The following EPB41 variants were observed in gnomAD, a reference collection of about 807,000 sequenced individuals.
The protein encoded by EPB41 is protein 4.1.
EPB41 carries 65 observed loss-of-function variants against 108.0 expected under a neutral mutation model. The ratio of observed to expected loss-of-function variants is 0.60; its 90% CI spans 0.49 to 0.74. The LOEUF (loss-of-function observed/expected upper bound fraction) is 0.74. EPB41 is among the 30% of genes least tolerant of loss of function. The pLI is 0.00. For missense variants in EPB41, 875 were observed against 1,037.0 expected, an observed-to-expected ratio of 0.84 and a Z score of 2.15; for synonymous variants, 336 against 358.9, an observed-to-expected ratio of 0.94 and a Z score of 0.72.
chr1:29,021,204 A>G (rs1303415993), intron 7 of EPB41, among the ~76,000 whole-genome samples: 1 of 152,184 alleles, frequency 6.6e-6, no homozygotes, highest in African/African-American at 2.4e-5. Context: ...GGAGATCTTC[A>G]AGATTCTTTC....
chr1:29,053,635 C>G, intron 12 of EPB41: 1 of 249,422 alleles, frequency 4.0e-6, no homozygotes. Context: ...TCTTGGCTCA[C>G]TGCAAACTCC....
At chr1:28,916,949 C>T (rs1219948600) in intron 1 of EPB41, among the ~76,000 whole-genome samples, 1 of 151,856 alleles carries the variant, frequency 6.6e-6, no homozygotes, top group Non-Finnish European at 1.5e-5. Flanking sequence ...TGCCCCCATG[C>T]TTGGCTAATG....
chr1:28,972,174 T>C (rs887510477), intron 1 of EPB41, among the ~76,000 whole-genome samples: 1 of 152,186 alleles, frequency 6.6e-6, no homozygotes, highest in Non-Finnish European at 1.5e-5. Flanking sequence ...GTGATCTGCC[T>C]GCTTAGGCTT....
At chr1:28,930,931 T>C (rs2093710119) in intron 1 of EPB41, among the ~76,000 whole-genome samples, 1 of 152,206 alleles carries the variant, frequency 6.6e-6, no homozygotes, top group Admixed American at 6.5e-5. Context: ...TTTTTAAACA[T>C]ATCTTAAATA....
intron 1 of EPB41, among the ~76,000 whole-genome samples, chr1:28,955,936 G>C (rs1001038454): frequency 2.6e-5 from 4 of 152,150 alleles, no homozygotes; most frequent in Non-Finnish European, 5.9e-5. Flanking sequence ...TATAACTTTT[G>C]TGATAATTTG....
chr1:28,951,199 A>G (rs2094704608), intron 1 of EPB41, among the ~76,000 whole-genome samples: 1 of 152,124 alleles, frequency 6.6e-6, no homozygotes, highest in Admixed American at 6.6e-5. Flanking sequence ...CAAGGATGGT[A>G]TTATGGCTTT....
At chr1:29,072,062 C>T (rs974368308) in intron 16 of EPB41, 1 of 152,090 alleles carries the variant, frequency 6.6e-6, no homozygotes, top group African/African-American at 2.4e-5. Context: ...TCTGTTATTT[C>T]CTGAAAACTG....
chr1:28,911,912 A>G (rs1038841191), upstream of EPB41, among the ~76,000 whole-genome samples: 4 of 151,802 alleles, frequency 2.6e-5, 1 homozygote, highest in African/African-American at 9.7e-5. Context: ...CGTGGTGCAC[A>G]TGCCTGTAAT....
intron 1 of EPB41, among the ~76,000 whole-genome samples, chr1:28,921,059 A>C (rs1157099270): frequency 5.9e-5 from 9 of 152,196 alleles, no homozygotes. Context: ...GTGTGCCATC[A>C]CATCTAGCTA....
chr1:29,106,174 T>C (rs1197118832), intron 17 of EPB41, among the ~76,000 whole-genome samples: 1 of 152,300 alleles, frequency 6.6e-6, no homozygotes, highest in South Asian at 2.1e-4. Flanking sequence ...ACAGGCCCTG[T>C]ATGGGAACAG....
intron 17 of EPB41, among the ~76,000 whole-genome samples, chr1:29,101,227 A>G (rs1665286285): frequency 6.6e-6 from 1 of 152,118 alleles, no homozygotes; most frequent in African/African-American, 2.4e-5. Context: ...TCCATCTCAA[A>G]AAAAGAAAAA....
Position 28,993,507 on chromosome 1 carries a change from T to G in EPB41, c.646T>G (p.Leu216Val), listed in dbSNP as rs761064131. The G allele has an allele frequency of 6.2e-7, 1 of 1,614,122 alleles. No homozygotes were observed. The highest frequency in any genetic ancestry group is 8.5e-7 in the Non-Finnish European group (1 of 1,180,018). Reference sequence around the variant, plus strand: ...CAGGAACATGCACTGCAAGGTTTCTTTGTTGGATGACACAGTTTATGAATG... The same window carrying G: ...CAGGAACATGCACTGCAAGGTTTCTGTGTTGGATGACACAGTTTATGAATG... ...KHRNMHCKVS[L>V]LDDTVYECVV... The change falls in exon 3 of 21, where the codon TTG becomes GTG. Residue 216 changes from leucine (L) to valine (V), a missense_variant. Transcript: ENST00000343067.
rs537065085 is a variant in EPB41 at position 28,924,359 on chromosome 1, T to C, written c.-8+9591T>C. On this transcript the variant is annotated intron_variant, in intron 1 of 20. Coordinates refer to ENST00000343067, the MANE Select transcript of EPB41 (RefSeq NM_001376013.1). The stretch of plus-strand genomic sequence containing the variant: ...GCCTTGCCAACATGGCGAAACCCCG[T>C]CTCTACTAAAAATAGAAGAATTACC... Among the ~76,000 whole-genome samples, 35 of 152,322 alleles carry C rather than the reference T, an allele frequency of 2.3e-4. No homozygotes were observed. The South Asian group carries it at 7.0e-3, about 31-fold the overall frequency.
At chr1:29,071,928 CTT>C (rs1651671780) in intron 16 of EPB41, 1 of 152,106 alleles carries the variant, frequency 6.6e-6, no homozygotes, top group South Asian at 2.1e-4. Context: ...CTAAACAAGA[CTT>C]TTTGTTTTTG....
chr1:29,086,381 C>G (rs1658935216), intron 16 of EPB41, among the ~76,000 whole-genome samples: 1 of 150,076 alleles, frequency 6.7e-6, no homozygotes, highest in African/African-American at 2.5e-5. Context: ...TTAAGCGATT[C>G]TCCTGCCTCA....
intron 1 of EPB41, among the ~76,000 whole-genome samples, chr1:28,897,291 G>A (rs770219787): frequency 1.3e-5 from 2 of 151,946 alleles, no homozygotes; most frequent in African/African-American, 2.4e-5. Context: ...GCTCACACCC[G>A]TAATCCCAAC....
intron 1 of EPB41, chr1:28,889,837 C>T: frequency 1.0e-6 from 1 of 985,232 alleles, no homozygotes; most frequent in Non-Finnish European, 1.2e-6. Context: ...TACTGTGCAC[C>T]ATATACAGGT....
At chr1:28,913,596 C>T (rs147801401), upstream of EPB41, among the ~76,000 whole-genome samples, 642 of 152,332 alleles carry the variant, frequency 4.2e-3, 4 homozygotes, top group African/African-American at 0.015. Context: ...CATCTACAGA[C>T]TCTGCTGTCA....
chr1:28,971,740 A>G (rs763413489), intron 1 of EPB41, among the ~76,000 whole-genome samples: 11 of 152,242 alleles, frequency 7.2e-5, no homozygotes, highest in Non-Finnish European at 1.3e-4. Flanking sequence ...AGACTTCAGT[A>G]GCCTATGAGG....
Sources: gnomAD v4.1 joint callset for allele counts (sites outside exome capture counted in the v4.1 genomes callset) on GRCh38, gnomAD v4.1.1 for gene constraint, MANE v1.5 for transcripts, NCBI Gene and HGNC (gene_info 2026-07-23, HGNC 2026-07-21) for gene names.